The following BTBD16 variants were observed in gnomAD, a reference collection of about 807,000 sequenced individuals.
The protein encoded by BTBD16 is BTB/POZ domain-containing protein 16.
BTBD16 carries 66 observed loss-of-function variants against 67.4 expected under a neutral mutation model. The ratio of observed to expected loss-of-function variants is 0.98; its 90% CI spans 0.80 to 1.20. The LOEUF is 1.20. Ranked by LOEUF, BTBD16 falls within the 50% of genes most tolerant of loss-of-function variation. BTBD16 has a pLI of 0.00. For missense variants in BTBD16, 634 were observed against 616.0 expected, an observed-to-expected ratio of 1.03 and a Z score of -0.31; for synonymous variants, 242 against 236.4, an observed-to-expected ratio of 1.02 and a Z score of -0.22.
At chr10:122,312,752 A>T (rs1312980466) in intron 10 of BTBD16, among the ~76,000 whole-genome samples, 2 of 152,182 alleles carry the variant, frequency 1.3e-5, no homozygotes, top group Non-Finnish European at 2.9e-5. Context: ...AGGTGCCTGC[A>T]CAAGTCCTTT....
At chr10:122,337,782 A>G (rs1247905266) in intron 15 of BTBD16, among the ~76,000 whole-genome samples, 1 of 152,228 alleles carries the variant, frequency 6.6e-6, no homozygotes, top group Non-Finnish European at 1.5e-5. Context: ...AGGAGCATTT[A>G]CTTGGTGAGA....
chr10:122,338,140 A>G lies in BTBD16; in HGVS notation c.*55A>G, dbSNP rs2096466229. The stretch of plus-strand genomic sequence containing the variant: ...CCCCCACTGGTCTGCATAAAAGAAA[A>G]TAAAATGACATAAAAGGGAGCACTC... On this transcript the variant is annotated 3_prime_UTR_variant, in exon 16 of 16. Coordinates refer to ENST00000260723, the MANE Select transcript of BTBD16 (RefSeq NM_144587.5). 7.3e-7 allele frequency: 1 copy of G among 1,364,430 alleles called. No homozygotes were observed. The highest frequency in any genetic ancestry group is 2.3e-5 in the East Asian group (1 of 43,748). The allele number at this position is 1,364,430 out of a possible 1,614,324, so 84.5% of individuals were successfully genotyped here. A position where few individuals can be genotyped will look rare whatever the true frequency, so the allele number is the denominator to read the frequency against.
chr10:122,273,221 G>GATAGATATATATATAT (rs1034902866), intron 1 of BTBD16, among the ~76,000 whole-genome samples: 6 of 129,470 alleles, frequency 4.6e-5, no homozygotes, highest in African/African-American at 1.1e-4. Flanking sequence ...GCAACACAAA[G>GATAGATATATATATAT]ATATATATAT....
At chr10:122,288,226 C>T (rs2096367339) in intron 5 of BTBD16, among the ~76,000 whole-genome samples, 1 of 152,208 alleles carries the variant, frequency 6.6e-6, no homozygotes, top group African/African-American at 2.4e-5. Context: ...CATGCATCCT[C>T]CCATTTACTC....
intron 1 of BTBD16, among the ~76,000 whole-genome samples, chr10:122,273,249 CACAT>C (rs1471952159): frequency 4.3e-4 from 47 of 108,508 alleles, no homozygotes; most frequent in Non-Finnish European, 6.7e-4. Flanking sequence ...TATATATACA[CACAT>C]ACATACATAT....
intron 10 of BTBD16, among the ~76,000 whole-genome samples, chr10:122,317,726 A>G (rs752766461): frequency 6.6e-6 from 1 of 152,154 alleles, no homozygotes; most frequent in Non-Finnish European, 1.5e-5. Context: ...GCCTAGGTCC[A>G]CACAGGGTCA....
At chr10:122,297,356 G>A (rs2096385235) in intron 7 of BTBD16, among the ~76,000 whole-genome samples, 1 of 152,184 alleles carries the variant, frequency 6.6e-6, no homozygotes, top group Admixed American at 6.5e-5. Flanking sequence ...GATTCCATTT[G>A]TGCACAGAGA....
At chr10:122,320,595 C>G (rs190923645) in intron 10 of BTBD16, among the ~76,000 whole-genome samples, 209 of 152,150 alleles carry the variant, frequency 1.4e-3, no homozygotes, top group African/African-American at 4.8e-3. Context: ...GTTCAAAATA[C>G]TTTCTAATTT....
intron 9 of BTBD16, among the ~76,000 whole-genome samples, chr10:122,304,701 C>G (rs1197418123): frequency 1.3e-5 from 2 of 151,936 alleles, no homozygotes; most frequent in Non-Finnish European, 2.9e-5. Flanking sequence ...ACTCAGGCGC[C>G]TGCCACCATG....
chr10:122,306,589 C>G (rs1414756252), intron 9 of BTBD16, among the ~76,000 whole-genome samples: 3 of 152,188 alleles, frequency 2.0e-5, no homozygotes, highest in African/African-American at 4.8e-5. Flanking sequence ...ATTGTGTGAC[C>G]TTGGATAAGT....
At position 122,336,951 on chromosome 10, in the gene BTBD16, AT is replaced by A. The variant is rs797008270; in HGVS notation, c.1452+279del. Reference sequence around the variant, plus strand: ...ATCTATTTTATAAGCATCAAAGGGTATTTTTTTTTTAGGTGAGGAGGCTCCG... The same window carrying A: ...ATCTATTTTATAAGCATCAAAGGGTATTTTTTTTTAGGTGAGGAGGCTCCG... On this transcript the variant is annotated intron_variant, in intron 15 of 15. Transcript: ENST00000260723. Among the ~76,000 whole-genome samples, 266 of 149,488 alleles carry A rather than the reference AT, an allele frequency of 1.8e-3. 1 individual carries two copies. Among genetic ancestry groups the A allele is most frequent in the Middle Eastern group, 0.014 (4 of 288 alleles).
chr10:122,275,158 A>G (rs2096337758), intron 2 of BTBD16, 59 bp downstream of exon 2: 2 of 1,530,654 alleles, frequency 1.3e-6, no homozygotes, highest in African/African-American at 2.7e-5. Flanking sequence ...GCTTATGGTC[A>G]TTTTGACAAA....
chr10:122,278,490 ATAG>A (rs1238129130), intron 3 of BTBD16, among the ~76,000 whole-genome samples: 1 of 152,210 alleles, frequency 6.6e-6, no homozygotes, highest in Non-Finnish European at 1.5e-5. Context: ...TTTCTGGCAA[ATAG>A]TAGATGCTTA....
chr10:122,318,310 T>A (rs1163714618), intron 10 of BTBD16, among the ~76,000 whole-genome samples: 1 of 152,214 alleles, frequency 6.6e-6, no homozygotes, highest in Non-Finnish European at 1.5e-5. Flanking sequence ...TGTTGTTGCA[T>A]GTATCAGTAG....
chr10:122,334,099 G>A (rs889032000), intron 13 of BTBD16, among the ~76,000 whole-genome samples: 1 of 151,648 alleles, frequency 6.6e-6, no homozygotes, highest in South Asian at 2.1e-4. Flanking sequence ...TGTTTCCTAG[G>A]TTAAAATTGC....
chr10:122,313,257 G>GT lies in BTBD16; in HGVS notation c.911+5962dup, dbSNP rs58984425. On this transcript the variant is annotated intron_variant, in intron 10 of 15. Coordinates refer to ENST00000260723, the MANE Select transcript of BTBD16 (RefSeq NM_144587.5). Reference sequence around the variant, plus strand: ...AAGCCTTTCTTTTATAGTTAGTGCTGTTTTTTTTTTTTTGTTTTTTTTTTT... The same window carrying GT: ...AAGCCTTTCTTTTATAGTTAGTGCTGTTTTTTTTTTTTTTGTTTTTTTTTTT... Among the ~76,000 whole-genome samples, 704 of 139,072 alleles carry GT rather than the reference G, an allele frequency of 5.1e-3. 1 individual carries two copies. Among genetic ancestry groups the GT allele is most frequent in the African/African-American group, 9.4e-3 (352 of 37,508 alleles). The allele number at this position is 139,072 out of a possible 152,430, so 91.2% of individuals were successfully genotyped here.
chr10:122,293,625 G>A (rs1020823806), intron 7 of BTBD16, among the ~76,000 whole-genome samples: 3 of 152,216 alleles, frequency 2.0e-5, no homozygotes, highest in South Asian at 4.1e-4. Flanking sequence ...CCTGAAGGTC[G>A]TGGGGTGAAA....
At chr10:122,292,753 C>T (rs1258272163) in intron 7 of BTBD16, among the ~76,000 whole-genome samples, 2 of 152,158 alleles carry the variant, frequency 1.3e-5, no homozygotes, top group Non-Finnish European at 2.9e-5. Flanking sequence ...AGTCTCCTGT[C>T]CAACAGTCTC....
At chr10:122,299,356 G>A (rs2096389778) in intron 9 of BTBD16, among the ~76,000 whole-genome samples, 1 of 152,162 alleles carries the variant, frequency 6.6e-6, no homozygotes, top group South Asian at 2.1e-4. Context: ...AACCCTCTGA[G>A]TACCTGCTGT....
Sources: gnomAD v4.1 joint callset for allele counts (sites outside exome capture counted in the v4.1 genomes callset) on GRCh38, gnomAD v4.1.1 for gene constraint, MANE v1.5 for transcripts, NCBI Gene and HGNC (gene_info 2026-07-23, HGNC 2026-07-21) for gene names.